Variants in FAM193A observed in about 807,000 individuals in gnomAD.
FAM193A encodes family with sequence similarity 193 member A.
In FAM193A, 22 loss-of-function variants were observed where a neutral mutation model predicts 126.5. That is an observed-to-expected ratio of 0.17 (90% CI 0.12 to 0.25). FAM193A has a LOEUF of 0.25. Among genes scored for constraint, FAM193A ranks in the 10% least tolerant of loss-of-function variants. The probability of loss-of-function intolerance (pLI) is 1.00; values close to 1 mark genes in which losing one functional copy is unlikely to be tolerated. For synonymous variants in FAM193A, 761 were observed against 646.8 expected, an observed-to-expected ratio of 1.18 and a Z score of -2.68; for missense variants, 1,675 against 1,672.8, an observed-to-expected ratio of 1.00 and a Z score of -0.02.
Position 2,639,863 on chromosome 4 carries a change from T to A in FAM193A, c.1163+4T>A, listed in dbSNP as rs1450472214. ...CCGCACTGGTGTCACAGATCAGGTA[T>A]TTTGCCTTAACCCGTATGTGTCTTT... On this transcript the variant is annotated splice_donor_region_variant and intron_variant, in intron 6 of 20. Coordinates refer to ENST00000637812, the MANE Select transcript of FAM193A (RefSeq NM_001366318.2). 6.2e-7 allele frequency: 1 copy of A among 1,613,384 alleles called. No individual in the cohort carries two copies. Among genetic ancestry groups the A allele is most frequent in the South Asian group, 1.1e-5 (1 of 91,002 alleles).
chr4:2,643,961 TG>T (rs1376287315), intron 6 of FAM193A, among the ~76,000 whole-genome samples: 3 of 152,266 alleles, frequency 2.0e-5, no homozygotes, highest in African/African-American at 7.2e-5. Context: ...CCCAAACCAA[TG>T]TTATTTCATT....
At chr4:2,728,178 A>G (rs1577289309) in intron 20 of FAM193A, among the ~76,000 whole-genome samples, 1 of 143,504 alleles carries the variant, frequency 7.0e-6, no homozygotes, top group Non-Finnish European at 1.5e-5. Context: ...TGATCTGCCC[A>G]CCTTACCTCG....
At chr4:2,673,851 A>G (rs978300215) in intron 13 of FAM193A, among the ~76,000 whole-genome samples, 1 of 152,222 alleles carries the variant, frequency 6.6e-6, no homozygotes, top group Non-Finnish European at 1.5e-5. Flanking sequence ...CCTTTGGTTA[A>G]AAATTGATTA....
intron 1 of FAM193A, among the ~76,000 whole-genome samples, chr4:2,569,770 G>A (rs184737158): frequency 1.3e-5 from 2 of 152,224 alleles, no homozygotes; most frequent in East Asian, 3.9e-4. Flanking sequence ...CTCCCAAAGT[G>A]TTAGAATTAT....
At chr4:2,604,984 T>C (rs1741450400) in intron 2 of FAM193A, among the ~76,000 whole-genome samples, 1 of 150,616 alleles carries the variant, frequency 6.6e-6, no homozygotes, top group Non-Finnish European at 1.5e-5. Context: ...TTTTTTTAAA[T>C]TTTTTGTAGG....
rs768335365 is a variant in FAM193A, at chr4:2,693,674, C to A, written c.2892C>A (p.Leu964=). Residue 964 remains leucine (L), a synonymous_variant, in exon 16 of 21, where the codon CTC becomes CTA. Coordinates refer to ENST00000637812, the MANE Select transcript of FAM193A (RefSeq NM_001366318.2). ...PRNSPTGLAP[L]PALSPAALSP... is the part of the protein sequence containing the mutation. ...ATAGCCCCACGGGCTTGGCCCCCCTCCCAGCGCTCTCGCCTGCTGCGCTGT... is the reference window on the plus strand; with the variant it reads ...ATAGCCCCACGGGCTTGGCCCCCCTACCAGCGCTCTCGCCTGCTGCGCTGT... The A allele has an allele frequency of 1.2e-6, 2 of 1,614,130 alleles. No individual in the cohort carries two copies. Among genetic ancestry groups the A allele is most frequent in the East Asian group, 4.5e-5 (2 of 44,874 alleles).
Position 2,631,099 on chromosome 4 carries a change from C to A in FAM193A, c.968C>A (p.Ser323Tyr), listed in dbSNP as rs781755414. The A allele has an allele frequency of 4.3e-6, 7 of 1,613,954 alleles. No homozygotes were observed. The highest frequency in any genetic ancestry group is 5.9e-6 in the Non-Finnish European group (7 of 1,180,014). ...CCGCCGCAAGCGCACCAGTTCATCT[C>A]CCTCCTGCTTGAGGAGTACGGCGCC... The part of the protein sequence containing the change: ...QGPPQAHQFI[S>Y]LLLEEYGALC... The change falls in exon 5 of 21, where the codon TCC (serine) becomes TAC (tyrosine). Residue 323 changes from serine (S) to tyrosine (Y), a missense_variant. Ser to Tyr is a moderately radical substitution (Grantham distance 144). Coordinates refer to ENST00000637812, the MANE Select transcript of FAM193A (RefSeq NM_001366318.2).
chr4:2,675,163 T>A (rs35804335), intron 13 of FAM193A, among the ~76,000 whole-genome samples: 9,523 of 152,238 alleles, frequency 0.063, 457 homozygotes, highest in African/African-American at 0.12. Flanking sequence ...GGCCCAGAAT[T>A]TGGTCTGTCT....
intron 1 of FAM193A, among the ~76,000 whole-genome samples, chr4:2,546,847 G>T (rs1459826011): frequency 1.3e-5 from 2 of 152,174 alleles, no homozygotes; most frequent in Non-Finnish European, 2.9e-5. Flanking sequence ...ATCCAGAGTG[G>T]ATAATACCAT....
intron 8 of FAM193A, among the ~76,000 whole-genome samples, chr4:2,658,657 G>T (rs1450373312): frequency 6.6e-6 from 1 of 152,128 alleles, no homozygotes; most frequent in Non-Finnish European, 1.5e-5. Flanking sequence ...CATGCCCGTG[G>T]TCTCCTCTGG....
chr4:2,636,481 CT>C (rs1219498568), intron 5 of FAM193A, among the ~76,000 whole-genome samples: 1 of 152,126 alleles, frequency 6.6e-6, no homozygotes, highest in Admixed American at 6.5e-5. Context: ...TATCACTGAA[CT>C]TACCCTACTC....
intron 1 of FAM193A, among the ~76,000 whole-genome samples, chr4:2,584,174 T>G (rs928056426): frequency 3.3e-5 from 5 of 152,194 alleles, no homozygotes; most frequent in Admixed American, 2.0e-4. Flanking sequence ...CCACTCCATA[T>G]TCATATCCAG....
Position 2,590,496 on chromosome 4 carries a change from CAA to C in FAM193A, c.256-5580_256-5579del, listed in dbSNP as rs780957903. Among the ~76,000 whole-genome samples the C allele has an allele frequency of 6.0e-3, 274 of 45,794 alleles. 56 individuals carry two copies. The highest frequency in any genetic ancestry group is 0.044 in the African/African-American group (244 of 5,602). The allele number at this position is 45,794 out of a possible 152,430, so 30.0% of individuals were successfully genotyped here. On this transcript the variant is annotated intron_variant, in intron 1 of 20. Transcript: ENST00000637812. ...AAAAACAAAAAAAAACAAAAAAAAA[CAA>C]AAAAAAACAAAAAAAAAACAAAACA...
chr4:2,614,215 T>G (rs1212308020), intron 2 of FAM193A, among the ~76,000 whole-genome samples: 1 of 152,178 alleles, frequency 6.6e-6, no homozygotes, highest in Non-Finnish European at 1.5e-5. Context: ...GTGGTGTGAG[T>G]AAGCATCCTC....
intron 2 of FAM193A, chr4:2,607,929 CT>C: frequency 7.6e-7 from 1 of 1,312,974 alleles, no homozygotes; most frequent in South Asian, 1.3e-5. Context: ...GATGGTGTCG[CT>C]TTATGAACAC....
At chr4:2,570,542 C>T (rs1355773199) in intron 1 of FAM193A, among the ~76,000 whole-genome samples, 1 of 152,122 alleles carries the variant, frequency 6.6e-6, no homozygotes, top group Non-Finnish European at 1.5e-5. Context: ...AGAGGTCATG[C>T]CACATCTTTC....
intron 16 of FAM193A, 122 bp downstream of exon 16, chr4:2,693,996 G>A: frequency 9.7e-7 from 1 of 1,033,564 alleles, no homozygotes; most frequent in Non-Finnish European, 1.4e-6. Context: ...AAATGCCGAG[G>A]GAATGCAGGG....
intron 2 of FAM193A, among the ~76,000 whole-genome samples, chr4:2,600,726 C>T (rs2108917987): frequency 6.6e-6 from 1 of 152,248 alleles, no homozygotes; most frequent in Admixed American, 6.5e-5. Context: ...TTCAGGTGCC[C>T]ATCTGTTTTC....
rs1002926776 is a variant in FAM193A, at chr4:2,690,988, A to G, written c.2803+18A>G. On this transcript the variant is annotated intron_variant, in intron 15 of 20. Transcript: ENST00000637812. ...TTCAGTAGGTAAGGCTTGAAGGCTC[A>G]CTGGCCCTCGGGGTCTGCAGGAAGG... 1 of 1,602,354 alleles carries G rather than the reference A, an allele frequency of 6.2e-7. No homozygotes were observed.
Sources: gnomAD v4.1 joint callset for allele counts (sites outside exome capture counted in the v4.1 genomes callset) on GRCh38, gnomAD v4.1.1 for gene constraint, MANE v1.5 for transcripts, NCBI Gene and HGNC (gene_info 2026-07-23, HGNC 2026-07-21) for gene names.